Variants in COA1 observed in about 807,000 individuals in gnomAD.
COA1 encodes cytochrome c oxidase assembly factor 1 homolog.
COA1 carries 13 observed loss-of-function variants against 16.0 expected under a neutral mutation model. The ratio of observed to expected loss-of-function variants is 0.81; its 90% CI spans 0.53 to 1.29. The LOEUF is 1.29. Ranked by LOEUF, COA1 falls within the 50% of genes most tolerant of loss-of-function variation. COA1 has a pLI of 0.00. For missense variants in COA1, 179 were observed against 177.0 expected, an observed-to-expected ratio of 1.01 and a Z score of -0.06; for synonymous variants, 65 against 65.7, an observed-to-expected ratio of 0.99 and a Z score of 0.05.
intron 4 of COA1, 48 bp downstream of exon 4, chr7:43,645,203 T>C (rs1010784309): frequency 2.5e-6 from 4 of 1,595,248 alleles, no homozygotes; most frequent in Middle Eastern, 1.9e-4. Context: ...TAGACTCTCC[T>C]CTCCTTCAGC....
intron 3 of COA1, chr7:43,646,176 A>C: frequency 5.8e-6 from 1 of 171,920 alleles, no homozygotes; most frequent in South Asian, 1.2e-4. Flanking sequence ...AGGTGACCTG[A>C]CCCTGGAGAG....
intron 6 of COA1, chr7:43,619,492 A>T: frequency 7.2e-7 from 1 of 1,384,686 alleles, no homozygotes. Context: ...TTACTGTTAA[A>T]TTCCTCAGTC....
intron 1 of COA1, among the ~76,000 whole-genome samples, chr7:43,654,048 C>T (rs1185997691): frequency 1.3e-5 from 2 of 152,120 alleles, no homozygotes; most frequent in Non-Finnish European, 2.9e-5. Flanking sequence ...CCACTAACCA[C>T]AATGTAAGTG....
Position 43,648,758 on chromosome 7 carries a change from C to G in COA1, c.-38-106G>C, listed in dbSNP as rs1004629795. ...ACCAACCCAAGCTTTAGAACACGAA[C>G]AAGAAGTTAAAATTAAACTCTAAAA... On this transcript the variant is annotated intron_variant, in intron 1 of 5. Coordinates refer to ENST00000223336, the MANE Select transcript of COA1 (RefSeq NM_018224.4). 10 of 779,016 alleles carry G rather than the reference C, an allele frequency of 1.3e-5. No individual in the cohort carries two copies. The African/African-American group carries it at 1.6e-4, about 12-fold the overall frequency. The allele number at this position is 779,016 out of a possible 1,614,324, so 48.3% of individuals were successfully genotyped here.
At chr7:43,664,960 CT>C (rs1258441434) in intron 1 of COA1, among the ~76,000 whole-genome samples, 1 of 152,146 alleles carries the variant, frequency 6.6e-6, no homozygotes, top group African/African-American at 2.4e-5. Context: ...TCTCACATGA[CT>C]TTTCCTTTTA....
At chr7:43,675,622 T>G (rs951615627) in intron 1 of COA1, among the ~76,000 whole-genome samples, 1 of 151,812 alleles carries the variant, frequency 6.6e-6, no homozygotes, top group African/African-American at 2.4e-5. Flanking sequence ...AAAAAAAGAG[T>G]AAGTGTAAAT....
chr7:43,672,386 A>G (rs1221832566), intron 1 of COA1, among the ~76,000 whole-genome samples: 1 of 152,218 alleles, frequency 6.6e-6, no homozygotes, highest in Non-Finnish European at 1.5e-5. Flanking sequence ...AATAAATGTG[A>G]TTCATCACAT....
intron 6 of COA1, among the ~76,000 whole-genome samples, chr7:43,613,916 A>G (rs2083104897): frequency 6.6e-6 from 1 of 152,202 alleles, no homozygotes; most frequent in Non-Finnish European, 1.5e-5. Flanking sequence ...GGGACTTTCC[A>G]TATGAGATTT....
intron 1 of COA1, among the ~76,000 whole-genome samples, chr7:43,691,419 G>GGAAGGA (rs1271735292): frequency 2.4e-5 from 2 of 82,222 alleles, no homozygotes; most frequent in African/African-American, 9.5e-5. Context: ...AAGGAAGAAA[G>GGAAGGA]AAAAAGAAAG....
chr7:43,712,116 G>A lies in COA1; in HGVS notation c.-39+17313C>T, dbSNP rs2095268693. On this transcript the variant is annotated intron_variant, in intron 1 of 5. Coordinates refer to ENST00000223336, the MANE Select transcript of COA1 (RefSeq NM_018224.4). Reference sequence around the variant, plus strand: ...TTTCTTCTATCCCTCCAGGGAAAAAGAAACTTTTTTTTTTGAGACAGAGTC... The same window carrying A: ...TTTCTTCTATCCCTCCAGGGAAAAAAAAACTTTTTTTTTTGAGACAGAGTC... Among the ~76,000 whole-genome samples, 3 of 151,702 alleles carry A rather than the reference G, an allele frequency of 2.0e-5. No individual in the cohort carries two copies. The South Asian group carries it at 6.3e-4, about 32-fold the overall frequency.
chr7:43,618,172 G>A (rs1006765247), intron 6 of COA1, among the ~76,000 whole-genome samples: 1 of 152,214 alleles, frequency 6.6e-6, no homozygotes, highest in African/African-American at 2.4e-5. Flanking sequence ...AATAGAGTAA[G>A]CATGCTGTGT....
intron 6 of COA1, chr7:43,632,011 A>AAGTTTGCTGC (rs1453120323): frequency 3.3e-5 from 5 of 152,364 alleles, no homozygotes; most frequent in Middle Eastern, 3.4e-3. Flanking sequence ...GACAACAGTG[A>AAGTTTGCTGC]AGTTTGCTGC....
intron 1 of COA1, among the ~76,000 whole-genome samples, chr7:43,692,561 C>G (rs2094409598): frequency 1.3e-5 from 2 of 151,994 alleles, no homozygotes; most frequent in Admixed American, 6.6e-5. Flanking sequence ...ACCACCTTCC[C>G]CAGCAGAAAG....
chr7:43,634,475 T>C (rs1278745454), downstream of COA1, among the ~76,000 whole-genome samples: 1 of 151,784 alleles, frequency 6.6e-6, no homozygotes, highest in East Asian at 1.9e-4. Context: ...ACCATGGGAG[T>C]GGGGGCAGTT....
intron 6 of COA1, chr7:43,609,614 G>A (rs944971057): frequency 4.6e-5 from 7 of 152,142 alleles, no homozygotes; most frequent in Non-Finnish European, 8.8e-5. Context: ...TTTTCTGATG[G>A]TTACTTTCAT....
At chr7:43,663,722 CCAT>C (rs969147088) in intron 1 of COA1, among the ~76,000 whole-genome samples, 1 of 149,956 alleles carries the variant, frequency 6.7e-6, no homozygotes, top group African/African-American at 2.5e-5. Flanking sequence ...AACCCACTGA[CCAT>C]CAACTCTCCA....
chr7:43,696,362 T>C (rs2094526899), intron 1 of COA1, among the ~76,000 whole-genome samples: 1 of 152,188 alleles, frequency 6.6e-6, no homozygotes, highest in Admixed American at 6.5e-5. Flanking sequence ...GCCCCGCCAT[T>C]GACATATGCG....
rs114266959 is a variant in COA1, at chr7:43,680,357, C to T, written c.-38-31705G>A. Among the ~76,000 whole-genome samples, 694 of 149,348 alleles carry T rather than the reference C, an allele frequency of 4.6e-3. 7 individuals are homozygous for T. The highest frequency in any genetic ancestry group is 0.016 in the African/African-American group (652 of 40,690). ...AAAGGGTATAAAAGAGGGCCCAAAACGTCTTTAATTAAAGTTTCAAAAACT... is the reference window on the plus strand; with the variant it reads ...AAAGGGTATAAAAGAGGGCCCAAAATGTCTTTAATTAAAGTTTCAAAAACT... On this transcript the variant is annotated intron_variant, in intron 1 of 5. Coordinates refer to ENST00000223336, the MANE Select transcript of COA1 (RefSeq NM_018224.4).
At chr7:43,639,072 G>A (rs1395904488), downstream of COA1, 2 of 152,276 alleles carry the variant, frequency 1.3e-5, no homozygotes. Flanking sequence ...GATAGAGAAT[G>A]TCCACAAGCT....
Sources: allele counts gnomAD v4.1 joint callset (sites outside exome capture counted in the v4.1 genomes callset), GRCh38; gene constraint gnomAD v4.1.1; transcripts MANE v1.5; gene names NCBI Gene and HGNC (gene_info 2026-07-23, HGNC 2026-07-21).